The following GALNTL6 variants were observed in gnomAD, a reference collection of about 807,000 sequenced individuals.
GALNTL6 encodes polypeptide N-acetylgalactosaminyltransferase like 6, also known as polypeptide N-acetylgalactosaminyltransferase-like 6.
GALNTL6 carries 46 observed loss-of-function variants against 73.7 expected under a neutral mutation model. The observed-to-expected ratio is 0.62, with a 90% confidence interval of 0.49 to 0.80. The LOEUF is 0.80. GALNTL6 is among the 30% of genes least tolerant of loss of function. The probability of loss-of-function intolerance (pLI) is 0.00; values close to 1 mark genes in which losing one functional copy is unlikely to be tolerated. For missense variants in GALNTL6, 604 were observed against 755.0 expected (o/e 0.80, Z 2.34); for synonymous variants, 259 against 263.7 (o/e 0.98, Z 0.17).
rs972180478 is a variant in GALNTL6 at position 172,809,212 on chromosome 4, C to T, written c.554-149C>T. The T allele has an allele frequency of 4.8e-6, 3 of 628,852 alleles. No homozygotes were observed. In the South Asian group the frequency reaches 6.3e-5, roughly 13 times the overall value. The allele number at this position is 628,852 out of a possible 1,614,324, so 39.0% of individuals were successfully genotyped here. A position where few individuals can be genotyped will look rare whatever the true frequency, so the allele number is the denominator to read the frequency against. The stretch of plus-strand genomic sequence containing the variant: ...TCTGGAAAGTGTAAAATCTAAAAAT[C>T]TTACTAGTATCTCCCATCTAGATGA... On this transcript the variant is annotated intron_variant, in intron 5 of 12. Coordinates refer to ENST00000506823, the MANE Select transcript of GALNTL6 (RefSeq NM_001034845.3). This position sits in a 1 kb window ranked among gnomAD's most constrained non-coding sequence, Gnocchi z 4.4.
chr4:171,863,772 T>C (rs1235280337), intron 2 of GALNTL6, among the ~76,000 whole-genome samples: 3 of 152,156 alleles, frequency 2.0e-5, no homozygotes, highest in African/African-American at 7.2e-5. Flanking sequence ...TTTTTTTTTT[T>C]TTGAGACATA....
intron 5 of GALNTL6, among the ~76,000 whole-genome samples, chr4:172,365,592 C>A (rs1742527679): frequency 6.6e-6 from 1 of 151,940 alleles, no homozygotes; most frequent in African/African-American, 2.4e-5. Context: ...AGAGGCCATA[C>A]TCCCTTAGCA....
intron 2 of GALNTL6, among the ~76,000 whole-genome samples, chr4:171,833,131 T>G (rs897062620): frequency 6.6e-6 from 1 of 151,762 alleles, no homozygotes; most frequent in Non-Finnish European, 1.5e-5. Flanking sequence ...ATGGACAAAA[T>G]TATATATGAT....
At chr4:172,830,746 ACT>A (rs546606159) in intron 7 of GALNTL6, among the ~76,000 whole-genome samples, 93 of 152,210 alleles carry the variant, frequency 6.1e-4, no homozygotes, top group African/African-American at 2.2e-3. Flanking sequence ...GTGCACTGTC[ACT>A]CTCCATTGTG....
chr4:172,970,547 A>G (rs1177525760), intron 10 of GALNTL6, among the ~76,000 whole-genome samples: 2 of 152,188 alleles, frequency 1.3e-5, no homozygotes, highest in Non-Finnish European at 2.9e-5. Flanking sequence ...GGCTCTCTGC[A>G]AGAAGAAAAA....
At chr4:171,918,549 G>A (rs183546005) in intron 2 of GALNTL6, among the ~76,000 whole-genome samples, 2 of 152,198 alleles carry the variant, frequency 1.3e-5, no homozygotes, top group African/African-American at 4.8e-5. Flanking sequence ...TGGTAGGAAT[G>A]CAAAATGGTG....
At chr4:171,877,915 T>G (rs1222270897) in intron 2 of GALNTL6, among the ~76,000 whole-genome samples, 1 of 152,182 alleles carries the variant, frequency 6.6e-6, no homozygotes, top group South Asian at 2.1e-4. Context: ...ACAAGCAAAA[T>G]GAGACTCATC....
intron 5 of GALNTL6, among the ~76,000 whole-genome samples, chr4:172,600,837 A>G (rs1040499089): frequency 2.6e-5 from 4 of 152,140 alleles, no homozygotes; most frequent in Admixed American, 1.3e-4. Context: ...AATACTGGCC[A>G]TAACAAAAGT....
At chr4:172,882,095 T>C (rs1745485810) in intron 7 of GALNTL6, among the ~76,000 whole-genome samples, 1 of 152,092 alleles carries the variant, frequency 6.6e-6, no homozygotes, top group Non-Finnish European at 1.5e-5. Context: ...CAAGTGGTTA[T>C]AATTATCTTA....
intron 9 of GALNTL6, among the ~76,000 whole-genome samples, chr4:172,939,889 C>T (rs538717553): frequency 6.6e-6 from 1 of 152,260 alleles, no homozygotes; most frequent in East Asian, 1.9e-4. Context: ...TTATTTGCCA[C>T]TCAACCCTCA....
chr4:172,742,264 A>G (rs755247887), intron 5 of GALNTL6, among the ~76,000 whole-genome samples: 7 of 152,036 alleles, frequency 4.6e-5, no homozygotes, highest in Middle Eastern at 3.4e-3. Flanking sequence ...TTACATTTTC[A>G]TTAAACTTTA....
chr4:172,606,685 T>TGC (rs1738313670), intron 5 of GALNTL6, among the ~76,000 whole-genome samples: 1 of 128,584 alleles, frequency 7.8e-6, no homozygotes, highest in African/African-American at 3.0e-5. Context: ...ACTATATATA[T>TGC]AGTATATATA....
At position 172,168,580 on chromosome 4, in the gene GALNTL6, A is replaced by G. The variant is rs537560740; in HGVS notation, c.139-61076A>G. Among the ~76,000 whole-genome samples, 12 of 151,498 alleles carry G rather than the reference A, an allele frequency of 7.9e-5. No homozygotes were observed. In the East Asian group the frequency reaches 2.3e-3, roughly 29 times the overall value. Reference sequence around the variant, plus strand: ...GTGATGATGGTGATGGTGATATGGTAATGATGGTGGAGGTGGTGGTGGTGG... The same window carrying G: ...GTGATGATGGTGATGGTGATATGGTGATGATGGTGGAGGTGGTGGTGGTGG... On this transcript the variant is annotated intron_variant, in intron 2 of 12. Coordinates refer to ENST00000506823, the MANE Select transcript of GALNTL6 (RefSeq NM_001034845.3).
chr4:172,058,763 G>A (rs868266258), intron 2 of GALNTL6, among the ~76,000 whole-genome samples: 9 of 151,920 alleles, frequency 5.9e-5, no homozygotes, highest in South Asian at 2.1e-4. Flanking sequence ...TGATCAAATG[G>A]CAATCTTACT....
chr4:171,933,100 T>C (rs775182513), intron 2 of GALNTL6, among the ~76,000 whole-genome samples: 8 of 152,212 alleles, frequency 5.3e-5, no homozygotes, highest in Non-Finnish European at 8.8e-5. Flanking sequence ...GAATGATAAC[T>C]ATGTTCTTGA....
At chr4:172,445,725 T>C (rs532159579) in intron 5 of GALNTL6, among the ~76,000 whole-genome samples, 275 of 152,294 alleles carry the variant, frequency 1.8e-3, no homozygotes, top group African/African-American at 6.3e-3. Context: ...ATTATGTCAG[T>C]TTCTTATTCT....
chr4:172,686,158 C>T (rs911542886), intron 5 of GALNTL6, among the ~76,000 whole-genome samples: 1 of 152,166 alleles, frequency 6.6e-6, no homozygotes, highest in African/African-American at 2.4e-5. Context: ...GCCTTGTGCT[C>T]TCATGGTCCC....
chr4:172,458,516 G>T (rs998209137), intron 5 of GALNTL6, among the ~76,000 whole-genome samples: 2 of 151,786 alleles, frequency 1.3e-5, no homozygotes, highest in Non-Finnish European at 2.9e-5. Flanking sequence ...TCAAATAGAG[G>T]CAATAAAAAT....
chr4:171,988,101 A>G (rs1028953207), intron 2 of GALNTL6, among the ~76,000 whole-genome samples: 3 of 152,188 alleles, frequency 2.0e-5, no homozygotes, highest in African/African-American at 4.8e-5. Flanking sequence ...AAACTATTAA[A>G]GCAGCAGCAG....
Sources: gnomAD v4.1 joint callset for allele counts (sites outside exome capture counted in the v4.1 genomes callset) on GRCh38, gnomAD v4.1.1 for gene constraint, Gnocchi (gnomAD v3.1) non-coding constraint, MANE v1.5 for transcripts, NCBI Gene and HGNC (gene_info 2026-07-23, HGNC 2026-07-21) for gene names.